The following NLRC5 variants were observed in gnomAD, a reference collection of about 807,000 sequenced individuals.
The protein encoded by NLRC5 is protein NLRC5.
In NLRC5, 114 loss-of-function variants were observed where a neutral mutation model predicts 206.9. The ratio of observed to expected loss-of-function variants is 0.55; its 90% CI spans 0.47 to 0.64. The LOEUF (loss-of-function observed/expected upper bound fraction) is 0.64. Ranked by LOEUF, NLRC5 falls within the 30% of genes least tolerant of loss-of-function variation. The pLI is 0.00. For synonymous variants in NLRC5, 952 were observed against 962.8 expected (o/e 0.99, Z 0.21); for missense variants, 2,008 against 2,305.5 (o/e 0.87, Z 2.64).
chr16:57,068,292 A>G lies in NLRC5; in HGVS notation c.4499+464A>G, dbSNP rs1054352688. On this transcript the variant is annotated intron_variant, in intron 36 of 48. Coordinates refer to ENST00000688547, the MANE Select transcript of NLRC5 (RefSeq NM_001384950.1). ...TAAAATACAAAAAAATTAGCTGGGC[A>G]TGGTGGTGCATGCCTGTAATCCCAG... 4.6e-5 allele frequency among the ~76,000 whole-genome samples: 7 copies of G among 152,082 alleles called. No individual in the cohort carries two copies. In the South Asian group the frequency reaches 8.3e-4, roughly 18 times the overall value.
intron 1 of NLRC5, among the ~76,000 whole-genome samples, chr16:56,997,510 A>C (rs2057752595): frequency 6.6e-6 from 1 of 152,184 alleles, no homozygotes; most frequent in Non-Finnish European, 1.5e-5. Flanking sequence ...ACAGCACTAA[A>C]ATGTTGAAAT....
At position 57,079,297 on chromosome 16, in the gene NLRC5, G is replaced by A. The variant is rs201036235; in HGVS notation, c.5237+5G>A. ...CCCGCTGCTCAGACAGATAGAGTAA[G>A]TAGCCTCCCCTGCCTGCCTAGGGGA... On this transcript the variant is annotated splice_donor_5th_base_variant and intron_variant, in intron 45 of 48. Transcript: ENST00000688547. 33 of 1,613,276 alleles carry A rather than the reference G, an allele frequency of 2.0e-5. No homozygotes were observed. The East Asian group carries it at 7.4e-4, about 36-fold the overall frequency.
intron 27 of NLRC5, among the ~76,000 whole-genome samples, chr16:57,057,363 G>A (rs893131425): frequency 2.0e-5 from 3 of 152,240 alleles, no homozygotes; most frequent in East Asian, 1.9e-4. Flanking sequence ...GACAGAGGTC[G>A]CAGTGAGCCA....
At chr16:57,021,040 G>T (rs375166779) in intron 3 of NLRC5, 33 bp downstream of exon 3, 2 of 1,600,798 alleles carry the variant, frequency 1.2e-6, no homozygotes, top group South Asian at 2.2e-5. Flanking sequence ...CAAAGCAGCC[G>T]GGCCAGTACC....
At chr16:57,053,026 T>C (rs1284439025) in intron 24 of NLRC5, 2 of 152,266 alleles carry the variant, frequency 1.3e-5, no homozygotes, top group South Asian at 4.1e-4. Flanking sequence ...GGGCCAGGCA[T>C]TGTGTGACGA....
intron 11 of NLRC5, among the ~76,000 whole-genome samples, chr16:57,032,272 C>T (rs575413142): frequency 6.6e-6 from 1 of 151,800 alleles, no homozygotes; most frequent in South Asian, 2.1e-4. Flanking sequence ...TGGTGGTGCA[C>T]ACCTGTAGTC....
At chr16:57,045,315 T>C in intron 20 of NLRC5, 133 bp from the exon 21 acceptor site, 2 of 708,394 alleles carry the variant, frequency 2.8e-6, no homozygotes, top group South Asian at 3.2e-5. Context: ...AATTGTTGCT[T>C]AATCTATTCC....
intron 20 of NLRC5, 132 bp downstream of exon 20, chr16:57,043,736 T>C (rs2143802957): frequency 1.4e-6 from 1 of 738,174 alleles, no homozygotes; most frequent in East Asian, 2.5e-5. Flanking sequence ...GTACCAGATC[T>C]GCAGAGCATG....
chr16:57,050,573 C>G (rs1490954547), intron 23 of NLRC5, among the ~76,000 whole-genome samples: 5 of 152,150 alleles, frequency 3.3e-5, no homozygotes, highest in African/African-American at 1.2e-4. Context: ...GGAAGTGGCT[C>G]CAGGCCCCCC....
At chr16:57,019,225 A>C (rs1400098543) in intron 2 of NLRC5, among the ~76,000 whole-genome samples, 2 of 152,132 alleles carry the variant, frequency 1.3e-5, no homozygotes, top group African/African-American at 4.8e-5. Context: ...GTGAAACCCC[A>C]TCTGTACTAA....
chr16:57,078,034 T>G lies in NLRC5; in HGVS notation c.5081+14T>G, dbSNP rs745669546. ...GAGGGTCCTACAGTGAGTGGCCCCC[T>G]GCCCATACCATGCAGGGCTGGTGGG... On this transcript the variant is annotated intron_variant, in intron 43 of 48. Coordinates refer to ENST00000688547, the MANE Select transcript of NLRC5 (RefSeq NM_001384950.1). 1 of 1,576,556 alleles carries G rather than the reference T, an allele frequency of 6.3e-7. No homozygotes were observed. The highest frequency in any genetic ancestry group is 1.1e-5 in the South Asian group (1 of 87,818).
chr16:57,028,034 G>C, intron 6 of NLRC5, 38 bp from the exon 7 acceptor site: 1 of 1,509,050 alleles, frequency 6.6e-7, no homozygotes, highest in Non-Finnish European at 9.2e-7. Flanking sequence ...GCTCTGCCCA[G>C]CACTGATCCT....
intron 32 of NLRC5, chr16:57,062,397 G>T (rs569203279): frequency 2.1e-4 from 67 of 317,128 alleles, no homozygotes; most frequent in African/African-American, 1.4e-3. Flanking sequence ...CATCTGGTCT[G>T]CATTTGCACG....
At chr16:57,065,015 G>T (rs964534083) in intron 32 of NLRC5, among the ~76,000 whole-genome samples, 197 bp from the exon 33 acceptor site, 13 of 152,182 alleles carry the variant, frequency 8.5e-5, no homozygotes, top group Non-Finnish European at 1.8e-4. Context: ...AACAATAGTT[G>T]TTGGAATAAG....
chr16:57,040,745 T>A, intron 17 of NLRC5, 27 bp downstream of exon 17: 5 of 1,607,590 alleles, frequency 3.1e-6, no homozygotes, highest in Non-Finnish European at 4.3e-6. Context: ...CAGCCCTGTG[T>A]GTGATTCCAG....
At chr16:57,024,354 A>G (rs2061025574) in intron 5 of NLRC5, among the ~76,000 whole-genome samples, 2 of 152,172 alleles carry the variant, frequency 1.3e-5, no homozygotes. Context: ...CAGTTCTCAG[A>G]ATGGTCCTCG....
chr16:57,016,085 C>T (rs1280817224), intron 1 of NLRC5, among the ~76,000 whole-genome samples: 1 of 151,880 alleles, frequency 6.6e-6, no homozygotes, highest in Non-Finnish European at 1.5e-5. Flanking sequence ...CGTGGTGGCA[C>T]ATGCCTGTAA....
At position 57,002,645 on chromosome 16, in the gene NLRC5, G is replaced by T. The variant is rs202147299; in HGVS notation, c.-128+13028G>T. Reference sequence around the variant, plus strand: ...TCTAAATTTAGTTTAGTTTTTTTTTGTTTTTTTTTTTTTTTTGAGACAGAG... The same window carrying T: ...TCTAAATTTAGTTTAGTTTTTTTTTTTTTTTTTTTTTTTTTTGAGACAGAG... On this transcript the variant is annotated intron_variant, in intron 1 of 48. Transcript: ENST00000688547. Among the ~76,000 whole-genome samples the T allele has an allele frequency of 4.3e-3, 411 of 94,720 alleles. 3 individuals are homozygous for T. Among genetic ancestry groups the T allele is most frequent in the East Asian group, 0.023 (71 of 3,054 alleles). 62.1% of individuals were successfully genotyped at this position (94,720 alleles called of 152,430 possible).
At chr16:56,990,274 T>C (rs2056650291) in intron 1 of NLRC5, among the ~76,000 whole-genome samples, 1 of 152,180 alleles carries the variant, frequency 6.6e-6, no homozygotes, top group African/African-American at 2.4e-5. Context: ...CAGCATAGCA[T>C]CTCAACTGAG....
Sources: allele counts gnomAD v4.1 joint callset (sites outside exome capture counted in the v4.1 genomes callset), GRCh38; gene constraint gnomAD v4.1.1; transcripts MANE v1.5; gene names NCBI Gene and HGNC (gene_info 2026-07-23, HGNC 2026-07-21).